Variants in CTSZ observed in about 807,000 individuals in gnomAD.
CTSZ encodes the protein carboxypeptidase LB.
In CTSZ, 39 loss-of-function variants were observed where a neutral mutation model predicts 32.4. That is an observed-to-expected ratio of 1.20 (90% CI 0.93 to 1.57). The LOEUF is 1.57. CTSZ is among the 40% of genes most tolerant of loss of function. CTSZ has a pLI of 0.00. For missense variants in CTSZ, 397 were observed against 419.6 expected (o/e 0.95, Z 0.47); for synonymous variants, 168 against 170.1 (o/e 0.99, Z 0.10).
At chr20:59,005,191 G>A (rs1027925993) in intron 2 of CTSZ, among the ~76,000 whole-genome samples, 4 of 152,026 alleles carry the variant, frequency 2.6e-5, no homozygotes, top group Non-Finnish European at 5.9e-5. Flanking sequence ...ACCTTTGAAC[G>A]ATCAGAAGTG....
chr20:58,996,693 G>A lies in CTSZ; in HGVS notation c.747C>T (p.Gly249=). 6.2e-7 allele frequency: 1 copy of A among 1,614,086 alleles called. No individual in the cohort carries two copies. Among genetic ancestry groups the A allele is most frequent in the Non-Finnish European group, 8.5e-7 (1 of 1,179,994 alleles). Residue 249 remains glycine (G), a synonymous_variant, in exon 5 of 6, where the codon GGC becomes GGT. Transcript: ENST00000217131. The stretch of plus-strand genomic sequence containing the variant: ...TCCAGTACTCAGTCCCATCACTGAT[G>A]CCCCACCCAGCCACAGAAACGACAT... The part of the protein sequence containing the change: ...INHVVSVAGW[G]ISDGTEYWIV...
chr20:58,996,856 A>G, intron 4 of CTSZ, 55 bp from the exon 5 acceptor site: 2 of 1,586,722 alleles, frequency 1.3e-6, no homozygotes, highest in Non-Finnish European at 8.6e-7. Flanking sequence ...ATTTACCGTC[A>G]TTAGAAATAA....
At position 59,004,490 on chromosome 20, in the gene CTSZ, G is replaced by T. The variant is rs181411130; in HGVS notation, c.307+1832C>A. On this transcript the variant is annotated intron_variant, in intron 2 of 5. Transcript: ENST00000217131. This position sits in a 1 kb window ranked among gnomAD's most constrained non-coding sequence, Gnocchi z 5.6. ...GAGTGGCAGAGGTGGGACTGAGGCT[G>T]GAGTGGGTTCAAGGGTAGAGAAGAG... Among the ~76,000 whole-genome samples, 69 of 152,252 alleles carry T rather than the reference G, an allele frequency of 4.5e-4. 1 individual carries two copies. The highest frequency in any genetic ancestry group is 1.7e-3 in the African/African-American group (69 of 41,530).
At position 59,001,635 on chromosome 20, in the gene CTSZ, T is replaced by C; in HGVS notation, c.317A>G (p.Asn106Ser). Reference protein sequence around the residue: ...ASTSAMADRINIKRKGAWPST... With the variant: ...ASTSAMADRISIKRKGAWPST... ...GGGCCACGCTCCCTTCCTCTTGATG[T>C]TGATCCGATCTGCAACAGTCAGCAC... The change falls in exon 3 of 6, where the codon AAC becomes AGC. Residue 106 changes from asparagine (N) to serine (S), a missense_variant. Asn to Ser is a conservative substitution (Grantham distance 46). Coordinates refer to ENST00000217131, the MANE Select transcript of CTSZ (RefSeq NM_001336.4). 1 of 1,613,658 alleles carries C rather than the reference T, an allele frequency of 6.2e-7. No individual in the cohort carries two copies. The highest frequency in any genetic ancestry group is 8.5e-7 in the Non-Finnish European group (1 of 1,179,720).
intron 3 of CTSZ, among the ~76,000 whole-genome samples, chr20:58,998,552 A>AAAAAAAAAAAG (rs368429073): frequency 8.0e-4 from 116 of 145,322 alleles, no homozygotes; most frequent in East Asian, 3.2e-3. Flanking sequence ...GTCTCAAAAA[A>AAAAAAAAAAAG]AAAGAAAGAA....
At chr20:59,005,344 G>A (rs553593453) in intron 2 of CTSZ, among the ~76,000 whole-genome samples, 2 of 152,198 alleles carry the variant, frequency 1.3e-5, no homozygotes, top group East Asian at 1.9e-4. Flanking sequence ...CCAGGCTTCC[G>A]GGCTCAAATC....
intron 4 of CTSZ, chr20:58,997,388 G>A: frequency 2.4e-6 from 1 of 411,834 alleles, no homozygotes. Context: ...GAAAACTGAA[G>A]TTCTTAGAGG....
intron 4 of CTSZ, 93 bp from the exon 5 acceptor site, chr20:58,996,894 C>G (rs143309663): frequency 3.7e-5 from 52 of 1,417,376 alleles, no homozygotes; most frequent in Non-Finnish European, 4.8e-5. Context: ...CCGTGGCTCA[C>G]GCCTGTAATT....
chr20:59,005,711 G>T lies in CTSZ; in HGVS notation c.307+611C>A, dbSNP rs1472025586. ...GATAGCAGAGTCCCTTCCAAATGCTGTGGGGTGGGCCTGGGGCTGGTTTGC... is the reference window on the plus strand; with the variant it reads ...GATAGCAGAGTCCCTTCCAAATGCTTTGGGGTGGGCCTGGGGCTGGTTTGC... On this transcript the variant is annotated intron_variant, in intron 2 of 5. Transcript: ENST00000217131. Among the ~76,000 whole-genome samples, 5 of 152,216 alleles carry T rather than the reference G, an allele frequency of 3.3e-5. No individual in the cohort carries two copies. In the South Asian group the frequency reaches 1.0e-3, roughly 32 times the overall value.
chr20:59,003,257 G>A (rs568293265), intron 2 of CTSZ, among the ~76,000 whole-genome samples: 4 of 152,306 alleles, frequency 2.6e-5, no homozygotes, highest in Admixed American at 6.5e-5. Flanking sequence ...GGCAGAGCTC[G>A]GATGGATGAG....
intron 3 of CTSZ, among the ~76,000 whole-genome samples, chr20:58,999,884 A>C (rs1300008669): frequency 6.6e-6 from 1 of 152,000 alleles, no homozygotes; most frequent in East Asian, 1.9e-4. Flanking sequence ...CCTGGTTAAC[A>C]CAGTGAAATC....
chr20:59,003,797 C>G (rs163802), intron 2 of CTSZ, among the ~76,000 whole-genome samples: 126,060 of 152,098 alleles, frequency 0.83, 52,515 homozygotes, highest in African/African-American at 0.9. Context: ...GGAGCAAGGG[C>G]GGACTGGGAG....
At chr20:59,000,123 AT>A (rs2091882766) in intron 3 of CTSZ, among the ~76,000 whole-genome samples, 1 of 152,074 alleles carries the variant, frequency 6.6e-6, no homozygotes, top group South Asian at 2.1e-4. Context: ...CATGCCTGTA[AT>A]CCCACCATTT....
intron 4 of CTSZ, 73 bp from the exon 5 acceptor site, chr20:58,996,874 T>C (rs1176755448): frequency 3.2e-6 from 5 of 1,542,332 alleles, no homozygotes; most frequent in Middle Eastern, 1.7e-4. Context: ...TAATCTGATA[T>C]GGCTGGGCGC....
At chr20:59,000,002 G>A (rs1408912101) in intron 3 of CTSZ, among the ~76,000 whole-genome samples, 1 of 151,802 alleles carries the variant, frequency 6.6e-6, no homozygotes, top group Non-Finnish European at 1.5e-5. Flanking sequence ...CCGGGAGGCG[G>A]AGCTTGCAGT....
intron 3 of CTSZ, among the ~76,000 whole-genome samples, chr20:59,000,889 G>C (rs149006214): frequency 6.6e-6 from 1 of 150,796 alleles, no homozygotes; most frequent in Non-Finnish European, 1.5e-5. Flanking sequence ...GAGTGCAGTG[G>C]CGCGATCTTG....
Position 58,997,591 on chromosome 20 carries a change from A to G in CTSZ, c.638+12T>C, listed in dbSNP as rs746172478. Reference sequence around the variant, plus strand: ...CCGCAAACCTCTCTTTGCCCGCGGGACCTCTCCTCACCTGATGGGACCATT... The same window carrying G: ...CCGCAAACCTCTCTTTGCCCGCGGGGCCTCTCCTCACCTGATGGGACCATT... On this transcript the variant is annotated intron_variant, in intron 4 of 5. Transcript: ENST00000217131. The G allele has an allele frequency of 6.5e-7, 1 of 1,539,856 alleles. No individual in the cohort carries two copies. Among genetic ancestry groups the G allele is most frequent in the South Asian group, 1.2e-5 (1 of 81,412 alleles).
chr20:59,005,568 C>G (rs2091905774), intron 2 of CTSZ, among the ~76,000 whole-genome samples: 2 of 152,198 alleles, frequency 1.3e-5, no homozygotes, highest in Non-Finnish European at 2.9e-5. Context: ...CCATGAGGAC[C>G]AAGGCCAGGG....
intron 2 of CTSZ, among the ~76,000 whole-genome samples, chr20:59,003,622 G>C (rs370274822): frequency 6.6e-6 from 1 of 152,152 alleles, no homozygotes; most frequent in South Asian, 2.1e-4. Flanking sequence ...AAATAAATCC[G>C]GGAGATAATT....
Sources: allele counts gnomAD v4.1 joint callset (sites outside exome capture counted in the v4.1 genomes callset), GRCh38; gene constraint gnomAD v4.1.1; non-coding constraint Gnocchi (gnomAD v3.1); transcripts MANE v1.5; gene names NCBI Gene and HGNC (gene_info 2026-07-23, HGNC 2026-07-21).